The following FAF1 variants were observed in gnomAD, a reference collection of about 807,000 sequenced individuals.
FAF1 encodes Fas associated factor 1.
In FAF1, 25 loss-of-function variants were observed where a neutral mutation model predicts 92.5. That is an observed-to-expected ratio of 0.27 (90% confidence interval 0.20 to 0.38). The LOEUF (loss-of-function observed/expected upper bound fraction) is 0.38, where lower values mean the gene tolerates loss of function less well. FAF1 is among the 10% of genes least tolerant of loss of function. The pLI, the probability that FAF1 is intolerant of heterozygous loss-of-function variation, is 1.00. For missense variants in FAF1, 636 were observed against 793.3 expected (o/e 0.80, Z 2.38); for synonymous variants, 234 against 273.2 (o/e 0.86, Z 1.42).
chr1:50,871,831 C>T (rs1266637736), intron 1 of FAF1, among the ~76,000 whole-genome samples: 4 of 151,976 alleles, frequency 2.6e-5, no homozygotes, highest in African/African-American at 4.8e-5. Flanking sequence ...TTTAGAAAAA[C>T]GAGGCGGGCG....
chr1:50,552,763 G>A (rs1003081017), intron 13 of FAF1, among the ~76,000 whole-genome samples: 1 of 152,138 alleles, frequency 6.6e-6, no homozygotes, highest in African/African-American at 2.4e-5. Context: ...GCAGCTGGGA[G>A]GGGAGGTAGA....
At chr1:50,681,882 G>T (rs1569752551) in intron 7 of FAF1, among the ~76,000 whole-genome samples, 1 of 151,490 alleles carries the variant, frequency 6.6e-6, no homozygotes, top group African/African-American at 2.4e-5. Flanking sequence ...TTCCCAGGAT[G>T]GAGTGCAGTA....
intron 8 of FAF1, among the ~76,000 whole-genome samples, chr1:50,605,899 T>A (rs1652360631): frequency 6.6e-6 from 1 of 152,260 alleles, no homozygotes; most frequent in Non-Finnish European, 1.5e-5. Context: ...AGTTATTATA[T>A]GTCAGGCACT....
At position 50,856,382 on chromosome 1, in the gene FAF1, C is replaced by T. The variant is rs1397138256; in HGVS notation, c.114+1547G>A. Among the ~76,000 whole-genome samples, 9 of 151,784 alleles carry T rather than the reference C, an allele frequency of 5.9e-5. No individual in the cohort carries two copies. The South Asian group carries it at 1.4e-3, about 24-fold the overall frequency. On this transcript the variant is annotated intron_variant, in intron 2 of 18. Transcript: ENST00000396153. ...ACTTGGGAGCATCGTTTCGATTAAG[C>T]CACTGCTCTTTCTCCCTTCCTCTAC...
At chr1:50,757,760 T>C (rs1242395665) in intron 4 of FAF1, among the ~76,000 whole-genome samples, 1 of 152,168 alleles carries the variant, frequency 6.6e-6, no homozygotes, top group Non-Finnish European at 1.5e-5. Context: ...ATTATTTATA[T>C]GGTCTTATTT....
intron 18 of FAF1, among the ~76,000 whole-genome samples, chr1:50,450,680 T>A (rs1646284050): frequency 6.6e-6 from 1 of 152,194 alleles, no homozygotes; most frequent in South Asian, 2.1e-4. Flanking sequence ...TAGGAATCCC[T>A]AAAGAAAGCA....
At chr1:50,569,223 C>T (rs1257085179) in intron 12 of FAF1, among the ~76,000 whole-genome samples, 3 of 152,102 alleles carry the variant, frequency 2.0e-5, no homozygotes, top group Non-Finnish European at 4.4e-5. Flanking sequence ...TTAAGAGCTT[C>T]CTTTCCTGGG....
At chr1:50,541,833 A>T (rs576126942) in intron 13 of FAF1, among the ~76,000 whole-genome samples, 1 of 152,330 alleles carries the variant, frequency 6.6e-6, no homozygotes, top group Admixed American at 6.5e-5. Flanking sequence ...CCATCTCAAC[A>T]TAATTTTGCC....
rs190353600 is a variant in FAF1, at chr1:50,464,991, T to C, written c.1869+10473A>G. ...ATCATCTCTCCAATCTTCCCCTGCCTGGTGGTATTTCTATCATCTCATTTT... is the reference window on the plus strand; with the variant it reads ...ATCATCTCTCCAATCTTCCCCTGCCCGGTGGTATTTCTATCATCTCATTTT... On this transcript the variant is annotated intron_variant, in intron 18 of 18. Transcript: ENST00000396153. 1.9e-3 allele frequency among the ~76,000 whole-genome samples: 286 copies of C among 152,342 alleles called. 2 individuals carry two copies. The highest frequency in any genetic ancestry group is 3.1e-3 in the Admixed American group (48 of 15,306).
intron 6 of FAF1, among the ~76,000 whole-genome samples, chr1:50,712,835 T>C (rs908130671): frequency 2.0e-5 from 3 of 151,910 alleles, no homozygotes; most frequent in African/African-American, 4.8e-5. Flanking sequence ...TTATGATAGT[T>C]AGCCATGGTT....
rs925938880 is a variant in FAF1, at chr1:50,439,388, G to A, written c.*2052C>T. 6.6e-6 allele frequency: 1 copy of A among 152,188 alleles called. No individual in the cohort carries two copies. The highest frequency in any genetic ancestry group is 2.4e-5 in the African/African-American group (1 of 41,426). 9.4% of individuals were successfully genotyped at this position (152,188 alleles called of 1,614,324 possible). A position where few individuals can be genotyped will look rare whatever the true frequency, so the allele number is the denominator to read the frequency against. On this transcript the variant is annotated 3_prime_UTR_variant, in exon 19 of 19. Coordinates refer to ENST00000396153, the MANE Select transcript of FAF1 (RefSeq NM_007051.3). ...GCATAGGAAATCATGGGGCTGAGTA[G>A]GCCAAAAGAACTTTCTAAGGCAGGT...
chr1:50,654,599 T>C (rs1427936535), intron 8 of FAF1, among the ~76,000 whole-genome samples: 1 of 152,174 alleles, frequency 6.6e-6, no homozygotes, highest in Non-Finnish European at 1.5e-5. Context: ...CAGCTTCTTA[T>C]GGTAGCAAAA....
chr1:50,549,241 T>C (rs1368405147), intron 13 of FAF1, among the ~76,000 whole-genome samples: 1 of 152,150 alleles, frequency 6.6e-6, no homozygotes, highest in East Asian at 1.9e-4. Flanking sequence ...TTTAAATCTA[T>C]CTATATATTT....
intron 4 of FAF1, among the ~76,000 whole-genome samples, chr1:50,778,789 C>T (rs1661053398): frequency 6.6e-6 from 1 of 151,898 alleles, no homozygotes; most frequent in African/African-American, 2.4e-5. Context: ...CACTGCACTT[C>T]AGCCTGAGTG....
chr1:50,864,968 T>C (rs1248267583), intron 1 of FAF1, among the ~76,000 whole-genome samples: 1 of 151,898 alleles, frequency 6.6e-6, no homozygotes, highest in Non-Finnish European at 1.5e-5. Context: ...ATCCAGAATC[T>C]ACAATGAACT....
At chr1:50,815,878 T>G (rs1643966991) in intron 2 of FAF1, among the ~76,000 whole-genome samples, 1 of 151,962 alleles carries the variant, frequency 6.6e-6, no homozygotes, top group Non-Finnish European at 1.5e-5. Flanking sequence ...ACCAAAGAAG[T>G]TAGCCAGGCA....
chr1:50,558,560 T>C (rs1031605639), intron 13 of FAF1, among the ~76,000 whole-genome samples: 7 of 152,116 alleles, frequency 4.6e-5, no homozygotes, highest in Admixed American at 3.3e-4. Context: ...CACAGAGTAA[T>C]TGGGAGATGA....
At chr1:50,504,500 A>G (rs1647029535) in intron 15 of FAF1, among the ~76,000 whole-genome samples, 1 of 152,178 alleles carries the variant, frequency 6.6e-6, no homozygotes, top group Non-Finnish European at 1.5e-5. Flanking sequence ...AGAGACATGG[A>G]AGACACAGTC....
intron 8 of FAF1, among the ~76,000 whole-genome samples, chr1:50,624,631 A>G (rs190950619): frequency 3.9e-5 from 6 of 152,338 alleles, no homozygotes; most frequent in Non-Finnish European, 8.8e-5. Context: ...AACATATGAA[A>G]AGGAAAACAA....
Sources: gnomAD v4.1 joint callset for allele counts (sites outside exome capture counted in the v4.1 genomes callset) on GRCh38, gnomAD v4.1.1 for gene constraint, MANE v1.5 for transcripts, NCBI Gene and HGNC (gene_info 2026-07-23, HGNC 2026-07-21) for gene names.